Variants in DMD observed in about 807,000 individuals in gnomAD.
DMD encodes the protein mutant dystrophin.
Under a neutral mutation model 330.1 loss-of-function variants are expected in DMD, and 63 were observed. That is an observed-to-expected ratio of 0.19 (90% confidence interval 0.16 to 0.24). The LOEUF (loss-of-function observed/expected upper bound fraction) is 0.24. Ranked by LOEUF, DMD falls within the 10% of genes least tolerant of loss-of-function variation. The probability of loss-of-function intolerance (pLI) is 1.00; values close to 1 mark genes in which losing one functional copy is unlikely to be tolerated. For missense variants in DMD, 3,344 were observed against 2,684.1 expected (o/e 1.25, Z -5.43); for synonymous variants, 1,223 against 959.8 (o/e 1.27, Z -5.07).
chrX:32,390,340 C>A (rs1248298804), intron 30 of DMD, among the ~76,000 whole-genome samples, 159 bp from the exon 31 acceptor site: 2 of 111,591 alleles, frequency 1.8e-5, no homozygotes, highest in Non-Finnish European at 3.8e-5. Flanking sequence ...ACCTGTAATC[C>A]TAGCACTTTG....
At chrX:32,649,425 C>T (rs1055814968) in intron 9 of DMD, among the ~76,000 whole-genome samples, 1 of 108,389 alleles carries the variant, frequency 9.2e-6, no homozygotes, top group Non-Finnish European at 1.9e-5. Context: ...GCGGTGGCGG[C>T]GCCTGTAGTC....
At chrX:32,417,391 C>T (rs1036864317) in intron 29 of DMD, among the ~76,000 whole-genome samples, 3 of 110,736 alleles carry the variant, frequency 2.7e-5, no homozygotes, top group Non-Finnish European at 5.7e-5. Context: ...ACCTTTTTGT[C>T]CCATGCAAGT....
chrX:32,731,099 G>A (rs1341018009), intron 7 of DMD, among the ~76,000 whole-genome samples: 1 of 112,168 alleles, frequency 8.9e-6, no homozygotes, highest in Admixed American at 9.4e-5. Flanking sequence ...CCTCACTCGG[G>A]AAGTGCAAGG....
chrX:33,147,637 C>A (rs1273684053), intron 1 of DMD, among the ~76,000 whole-genome samples: 1 of 111,512 alleles, frequency 9.0e-6, no homozygotes, highest in African/African-American at 3.3e-5. Context: ...GAATTTTGGT[C>A]TCTGGATGTT....
intron 63 of DMD, among the ~76,000 whole-genome samples, chrX:31,223,458 A>G (rs1184451415): frequency 8.9e-6 from 1 of 112,534 alleles, no homozygotes; most frequent in Non-Finnish European, 1.9e-5. Flanking sequence ...ACTGTAGTGA[A>G]TCTTTTCTGC....
chrX:32,596,780 C>G (rs959554569), intron 12 of DMD, among the ~76,000 whole-genome samples: 3 of 110,654 alleles, frequency 2.7e-5, no homozygotes, highest in Non-Finnish European at 5.7e-5. Context: ...CTCCTGACCT[C>G]AGGTAATCTA....
chrX:31,814,377 G>A (rs2092554044), intron 50 of DMD, among the ~76,000 whole-genome samples: 1 of 104,929 alleles, frequency 9.5e-6, no homozygotes, highest in Admixed American at 1.0e-4. Context: ...CAGCTACGGG[G>A]GAGGCTGAGG....
chrX:31,960,011 G>C (rs1375375620), intron 45 of DMD, among the ~76,000 whole-genome samples: 1 of 108,581 alleles, frequency 9.2e-6, no homozygotes, highest in African/African-American at 3.4e-5. Flanking sequence ...CACCCATCTC[G>C]GCCTCCCAAA....
At chrX:31,343,683 CAG>C (rs1198282316) in intron 61 of DMD, among the ~76,000 whole-genome samples, 4 of 107,092 alleles carry the variant, frequency 3.7e-5, no homozygotes, top group African/African-American at 1.4e-4. Flanking sequence ...ATAAGATAAA[CAG>C]AGACAGTAAG....
intron 62 of DMD, among the ~76,000 whole-genome samples, chrX:31,314,742 CAGAGAGAGAGAG>C (rs199994602): frequency 2.5e-4 from 14 of 55,280 alleles, no homozygotes; most frequent in African/African-American, 6.8e-4. Context: ...AATACATACA[CAGAGAGAGAGAG>C]AGAGAGAGAG....
intron 48 of DMD, among the ~76,000 whole-genome samples, chrX:31,847,248 C>G (rs1002240347): frequency 1.8e-5 from 2 of 111,619 alleles, no homozygotes; most frequent in Non-Finnish European, 3.8e-5. Context: ...GAGATTTATT[C>G]TCAGTTCTAT....
chrX:31,407,082 G>C (rs2061426503), intron 60 of DMD, among the ~76,000 whole-genome samples: 1 of 112,350 alleles, frequency 8.9e-6, no homozygotes, highest in African/African-American at 3.2e-5. Context: ...GTTATCTTTT[G>C]AATATCATAG....
At chrX:32,913,828 T>C (rs890822820) in intron 2 of DMD, among the ~76,000 whole-genome samples, 3 of 112,323 alleles carry the variant, frequency 2.7e-5, no homozygotes, top group African/African-American at 9.7e-5. Flanking sequence ...CAGAGACATA[T>C]TCCCCAGCCT....
chrX:32,929,438 C>G (rs1279864989), intron 2 of DMD, among the ~76,000 whole-genome samples: 1 of 110,593 alleles, frequency 9.0e-6, no homozygotes, highest in Admixed American at 9.7e-5. Flanking sequence ...CTCTCTCTCT[C>G]TCTCTCACTG....
intron 7 of DMD, among the ~76,000 whole-genome samples, chrX:32,714,205 T>A (rs2065458058): frequency 9.0e-6 from 1 of 111,473 alleles, no homozygotes; most frequent in Non-Finnish European, 1.9e-5. Flanking sequence ...GGGGTACAAG[T>A]GCAATTTTGT....
chrX:33,285,050 C>T lies in DMD; in HGVS notation c.7+54209G>A, dbSNP rs768824115. Among the ~76,000 whole-genome samples, 10 of 111,099 alleles carry T rather than the reference C, an allele frequency of 9.0e-5. No homozygotes were observed. The East Asian group carries it at 2.3e-3, about 25-fold the overall frequency. On this transcript the variant is annotated intron_variant, in intron 1 of 17. Coordinates refer to the DMD transcript ENST00000288447. ...TAAATAACAACAGGATTTTGGTTCA[C>T]GTAAGGACCTAAAACAGGAGAGTTG...
At chrX:31,632,285 C>G (rs193270099) in intron 54 of DMD, among the ~76,000 whole-genome samples, 143 of 111,756 alleles carry the variant, frequency 1.3e-3, no homozygotes, top group African/African-American at 4.6e-3. Flanking sequence ...TTATTGTATA[C>G]ACACCATTCT....
chrX:32,654,408 C>G (rs142835134), intron 9 of DMD, among the ~76,000 whole-genome samples: 2,173 of 111,726 alleles, frequency 0.019, 61 homozygotes, highest in African/African-American at 0.067. Context: ...TGGAGATAAT[C>G]ATGTGGTTTC....
intron 50 of DMD, among the ~76,000 whole-genome samples, chrX:31,803,487 C>A (rs1309941401): frequency 8.9e-6 from 1 of 111,869 alleles, no homozygotes; most frequent in Non-Finnish European, 1.9e-5. Context: ...GTAAATACAA[C>A]CCCAATCAAG....
Sources: gnomAD v4.1 joint callset for allele counts (sites outside exome capture counted in the v4.1 genomes callset) on GRCh38, gnomAD v4.1.1 for gene constraint, MANE v1.5 for transcripts, NCBI Gene and HGNC (gene_info 2026-07-23, HGNC 2026-07-21) for gene names.